VRK2: variants seen among roughly 807,000 people sequenced by gnomAD.
VRK2 encodes the protein serine/threonine-protein kinase VRK2.
VRK2 carries 60 observed loss-of-function variants against 57.6 expected under a neutral mutation model. The ratio of observed to expected loss-of-function variants is 1.04; its 90% confidence interval spans 0.85 to 1.29. The LOEUF (loss-of-function observed/expected upper bound fraction) is 1.29, where lower values mean the gene tolerates loss of function less well. Among genes scored for constraint, VRK2 ranks in the 50% most tolerant of loss-of-function variants. VRK2 has a pLI of 0.00. For missense variants in VRK2, 705 were observed against 588.1 expected (o/e 1.20, Z -2.06); for synonymous variants, 231 against 199.2 (o/e 1.16, Z -1.35).
At position 57,952,310 on chromosome 2, in the gene VRK2, T is replaced by C. The variant is rs574407879; in HGVS notation, c.-439+44471T>C. Among the ~76,000 whole-genome samples, 57 of 152,190 alleles carry C rather than the reference T, an allele frequency of 3.7e-4. 1 individual carries two copies. The highest frequency in any genetic ancestry group is 1.2e-3 in the African/African-American group (51 of 41,528). Reference sequence around the variant, plus strand: ...CTGTATAAAGGCAGAGAGAAATTGATAATACCCATAAGGAAAGGGAAATGC... The same window carrying C: ...CTGTATAAAGGCAGAGAGAAATTGACAATACCCATAAGGAAAGGGAAATGC... On this transcript the variant is annotated intron_variant, in intron 1 of 15. Coordinates refer to the VRK2 transcript ENST00000417641.
chr2:58,106,717 T>G (rs1308280597), intron 7 of VRK2, among the ~76,000 whole-genome samples: 1 of 152,046 alleles, frequency 6.6e-6, no homozygotes, highest in Non-Finnish European at 1.5e-5. Flanking sequence ...AGCAGATTAT[T>G]TTTAAGGATA....
At chr2:58,133,524 C>T (rs1389546073) in intron 9 of VRK2, among the ~76,000 whole-genome samples, 1 of 152,170 alleles carries the variant, frequency 6.6e-6, no homozygotes, top group African/African-American at 2.4e-5. Flanking sequence ...ATTGTATATT[C>T]AGCCAAGACA....
intron 2 of VRK2, among the ~76,000 whole-genome samples, chr2:58,057,586 ATGG>A (rs1468797947): frequency 3.3e-5 from 5 of 152,266 alleles, no homozygotes; most frequent in Non-Finnish European, 7.4e-5. Flanking sequence ...GGGGAAAAGC[ATGG>A]TGTTTACTAT....
intron 1 of VRK2, among the ~76,000 whole-genome samples, chr2:57,949,129 G>T (rs1367618965): frequency 1.3e-5 from 2 of 152,072 alleles, no homozygotes; most frequent in Admixed American, 6.6e-5. Flanking sequence ...AGCAAATTGA[G>T]ATTTCATAGG....
intron 5 of VRK2, among the ~76,000 whole-genome samples, chr2:58,086,837 C>A (rs1277825454): frequency 1.3e-5 from 2 of 152,106 alleles, no homozygotes; most frequent in Admixed American, 6.5e-5. Context: ...TTCTCTAGAG[C>A]AATTAATTGG....
At chr2:58,058,660 T>A (rs1378331813) in intron 2 of VRK2, among the ~76,000 whole-genome samples, 1 of 152,050 alleles carries the variant, frequency 6.6e-6, no homozygotes, top group Non-Finnish European at 1.5e-5. Context: ...TGGGACTAGT[T>A]TTTGAATTCT....
chr2:57,922,551 A>T (rs1011933558), intron 1 of VRK2, among the ~76,000 whole-genome samples: 1 of 151,724 alleles, frequency 6.6e-6, no homozygotes, highest in Non-Finnish European at 1.5e-5. Flanking sequence ...TCATCATGCT[A>T]AGAGAGTAGA....
chr2:57,948,074 G>A (rs1381505955), intron 1 of VRK2, among the ~76,000 whole-genome samples: 1 of 152,104 alleles, frequency 6.6e-6, no homozygotes, highest in Non-Finnish European at 1.5e-5. Context: ...TAAGTTCCCA[G>A]AACTAGACTT....
intron 1 of VRK2, among the ~76,000 whole-genome samples, chr2:57,983,773 A>C (rs1040344002): frequency 6.6e-6 from 1 of 152,238 alleles, no homozygotes; most frequent in Non-Finnish European, 1.5e-5. Flanking sequence ...CATGATGAAA[A>C]TTTGGAGGAT....
At chr2:58,028,903 A>AATAAATATATATATAT (rs1553378204) in intron 2 of VRK2, among the ~76,000 whole-genome samples, 5 of 54,020 alleles carry the variant, frequency 9.3e-5, no homozygotes, top group South Asian at 9.0e-4. Context: ...TAAATAAATA[A>AATAAATATATATATAT]ATATATATAT....
At chr2:57,980,677 G>A (rs1672394330) in intron 1 of VRK2, among the ~76,000 whole-genome samples, 2 of 152,058 alleles carry the variant, frequency 1.3e-5, no homozygotes, top group South Asian at 4.2e-4. Context: ...GTCTCTTCAA[G>A]GTCTACAGAA....
At chr2:58,026,806 C>T (rs1572797979) in intron 2 of VRK2, 1 of 152,124 alleles carries the variant, frequency 6.6e-6, no homozygotes, top group African/African-American at 2.4e-5. Context: ...GAAGCCTCAA[C>T]CTCCTTGGCT....
At chr2:58,091,725 C>T (rs969325717) in intron 7 of VRK2, among the ~76,000 whole-genome samples, 3 of 151,616 alleles carry the variant, frequency 2.0e-5, no homozygotes, top group African/African-American at 7.3e-5. Context: ...CACTAAATAC[C>T]TTGTTAAAGC....
At chr2:57,970,727 A>C (rs1672070880) in intron 1 of VRK2, among the ~76,000 whole-genome samples, 1 of 151,992 alleles carries the variant, frequency 6.6e-6, no homozygotes. Flanking sequence ...TATAAAGCAA[A>C]ATAAATCTAT....
At chr2:57,936,501 T>C (rs1247831132) in intron 1 of VRK2, among the ~76,000 whole-genome samples, 1 of 151,576 alleles carries the variant, frequency 6.6e-6, no homozygotes, top group Non-Finnish European at 1.5e-5. Context: ...CTTGCTTTCA[T>C]TTTTTTGTTT....
chr2:58,046,130 C>T (rs142916400), upstream of VRK2, among the ~76,000 whole-genome samples: 2 of 152,162 alleles, frequency 1.3e-5, no homozygotes, highest in African/African-American at 2.4e-5. Flanking sequence ...CAGGCGTGAG[C>T]CACCGCACCT....
Position 58,131,534 on chromosome 2 carries a change from G to A in VRK2, c.677-274G>A, listed in dbSNP as rs12105881. Reference sequence around the variant, plus strand: ...TTGTCTGGATCATGTCAGAGGCCATGGGGATCAAGTTCATGTGACAGGCCA... The same window carrying A: ...TTGTCTGGATCATGTCAGAGGCCATAGGGATCAAGTTCATGTGACAGGCCA... On this transcript the variant is annotated intron_variant, in intron 8 of 12. Transcript: ENST00000340157. Among the ~76,000 whole-genome samples, 632 of 152,198 alleles carry A rather than the reference G, an allele frequency of 4.2e-3. 7 individuals are homozygous for A. Among genetic ancestry groups the A allele is most frequent in the African/African-American group, 0.014 (591 of 41,512 alleles).
Position 58,076,943 on chromosome 2 carries a change from A to G in VRK2, c.137-7146A>G, listed in dbSNP as rs148384239. On this transcript the variant is annotated intron_variant, in intron 2 of 12. Transcript: ENST00000340157. ...GCCCTAAATGGTGATATATTATAAA[A>G]TAGCACATAGTACATTACATAGTTA... Among the ~76,000 whole-genome samples the G allele has an allele frequency of 3.0e-3, 450 of 152,140 alleles. 1 individual carries two copies. Among genetic ancestry groups the G allele is most frequent in the Middle Eastern group, 0.01 (3 of 294 alleles).
chr2:58,029,721 T>C (rs370612202), intron 2 of VRK2, among the ~76,000 whole-genome samples: 11 of 152,136 alleles, frequency 7.2e-5, no homozygotes, highest in African/African-American at 2.4e-4. Context: ...TATATCAGAA[T>C]GTCTTTGCCA....
Sources: gnomAD v4.1 joint callset for allele counts (sites outside exome capture counted in the v4.1 genomes callset) on GRCh38, gnomAD v4.1.1 for gene constraint, MANE v1.5 for transcripts, NCBI Gene and HGNC (gene_info 2026-07-23, HGNC 2026-07-21) for gene names.